The following NAALADL2 variants were observed in gnomAD, a reference collection of about 807,000 sequenced individuals.
NAALADL2 encodes N-acetylated alpha-linked acidic dipeptidase like 2.
NAALADL2 carries 76 observed loss-of-function variants against 87.2 expected under a neutral mutation model. That is an observed-to-expected ratio of 0.87 (90% CI 0.72 to 1.05). The LOEUF is 1.05. NAALADL2 is among the 50% of genes least tolerant of loss of function. The pLI is 0.00. For synonymous variants in NAALADL2, 354 were observed against 331.0 expected (o/e 1.07, Z -0.75); for missense variants, 1,089 against 945.8 (o/e 1.15, Z -1.99).
chr3:174,695,818 T>G (rs1162588022), intron 2 of NAALADL2, among the ~76,000 whole-genome samples: 2 of 151,964 alleles, frequency 1.3e-5, no homozygotes, highest in African/African-American at 4.8e-5. Flanking sequence ...TTTTTCAGGG[T>G]GAAAATATGC....
intron 9 of NAALADL2, among the ~76,000 whole-genome samples, chr3:175,521,307 G>A (rs1184948383): frequency 6.6e-6 from 1 of 151,774 alleles, no homozygotes; most frequent in Non-Finnish European, 1.5e-5. Context: ...TCTATCTTTG[G>A]AATGAATCTT....
chr3:175,261,574 T>G (rs909455843), intron 4 of NAALADL2, among the ~76,000 whole-genome samples: 1 of 151,894 alleles, frequency 6.6e-6, no homozygotes. Flanking sequence ...CTCTATTGCT[T>G]TTTTTTATAA....
At chr3:174,564,629 T>C (rs1471349286) in intron 2 of NAALADL2, among the ~76,000 whole-genome samples, 1 of 152,144 alleles carries the variant, frequency 6.6e-6, no homozygotes, top group Non-Finnish European at 1.5e-5. Context: ...GATTTATTAA[T>C]TTTTCTATTT....
chr3:175,189,636 T>C (rs1737850836), intron 2 of NAALADL2, among the ~76,000 whole-genome samples: 1 of 152,182 alleles, frequency 6.6e-6, no homozygotes, highest in South Asian at 2.1e-4. Flanking sequence ...AAAGTGTGCT[T>C]ACTATCCGAG....
chr3:174,854,706 A>G (rs1464385670), upstream of NAALADL2, among the ~76,000 whole-genome samples: 1 of 152,162 alleles, frequency 6.6e-6, no homozygotes, highest in Non-Finnish European at 1.5e-5. Flanking sequence ...TTAAAGAATA[A>G]AAATGACAAA....
rs927862324 is a variant in NAALADL2, at chr3:175,681,724, T to C, written c.1896+54338T>C. The stretch of plus-strand genomic sequence containing the variant: ...TGAAGAGTAATACCAATACAGGCAA[T>C]GGCAATGAAGAGTTTATTTCTTGTA... On this transcript the variant is annotated intron_variant, in intron 11 of 13. Transcript: ENST00000454872. 2.0e-5 allele frequency among the ~76,000 whole-genome samples: 3 copies of C among 152,142 alleles called. No individual in the cohort carries two copies. In the East Asian group the frequency reaches 5.8e-4, roughly 29 times the overall value.
At chr3:174,900,376 A>G (rs1019394157) in intron 1 of NAALADL2, among the ~76,000 whole-genome samples, 3 of 152,084 alleles carry the variant, frequency 2.0e-5, no homozygotes, top group African/African-American at 7.2e-5. Flanking sequence ...TAAAAATAAA[A>G]CAGCATGTTT....
rs12490358 is a variant in NAALADL2, at chr3:175,537,824, T to G, written c.1654-38217T>G. Among the ~76,000 whole-genome samples the G allele has an allele frequency of 9.4e-3, 1,433 of 152,342 alleles. 47 individuals carry two copies. Among genetic ancestry groups the G allele is most frequent in the Admixed American group, 0.056 (859 of 15,306 alleles). On this transcript the variant is annotated intron_variant, in intron 9 of 13. Coordinates refer to ENST00000454872, the MANE Select transcript of NAALADL2 (RefSeq NM_207015.3). ...TAAATTTGAAGAAATATGCCTAGCA[T>G]GTACAGAATTGGGAAGAAAATGCTA...
At chr3:174,998,195 C>T (rs1395786193) in intron 1 of NAALADL2, among the ~76,000 whole-genome samples, 1 of 152,262 alleles carries the variant, frequency 6.6e-6, no homozygotes, top group South Asian at 2.1e-4. Flanking sequence ...TGTATGAATT[C>T]ATTTGATCCT....
intron 2 of NAALADL2, among the ~76,000 whole-genome samples, chr3:174,687,168 G>T (rs1182060202): frequency 3.9e-5 from 6 of 152,006 alleles, no homozygotes; most frequent in Admixed American, 6.6e-5. Context: ...TCACAAACTT[G>T]GTTAGTCTTC....
chr3:174,583,075 C>T (rs1313041531), intron 2 of NAALADL2, among the ~76,000 whole-genome samples: 1 of 152,128 alleles, frequency 6.6e-6, no homozygotes, highest in East Asian at 1.9e-4. Context: ...TTTATTGCCA[C>T]CTGTCAATGA....
intron 1 of NAALADL2, among the ~76,000 whole-genome samples, chr3:175,009,885 ATATATT>A (rs1310916623): frequency 6.6e-6 from 1 of 151,974 alleles, no homozygotes; most frequent in East Asian, 1.9e-4. Flanking sequence ...TATCAAAATA[ATATATT>A]TATATAATAT....
chr3:174,477,340 G>T (rs534734121), intron 1 of NAALADL2, among the ~76,000 whole-genome samples: 8 of 152,164 alleles, frequency 5.3e-5, no homozygotes, highest in Non-Finnish European at 7.4e-5. Flanking sequence ...TTAATAGTAT[G>T]AAAGCATAAA....
At chr3:175,670,494 T>A (rs12492716) in intron 11 of NAALADL2, among the ~76,000 whole-genome samples, 181 of 12,876 alleles carry the variant, frequency 0.014, 1 homozygote, top group Admixed American at 0.053. Flanking sequence ...TAAATGTAAA[T>A]TTAATATATT....
chr3:175,187,081 A>G (rs1273964953), intron 2 of NAALADL2, among the ~76,000 whole-genome samples: 3 of 152,134 alleles, frequency 2.0e-5, no homozygotes, highest in African/African-American at 4.8e-5. Flanking sequence ...AGACACTGCA[A>G]TTGTCAAGGC....
At chr3:174,741,810 A>C (rs1733794829) in intron 3 of NAALADL2, among the ~76,000 whole-genome samples, 1 of 151,776 alleles carries the variant, frequency 6.6e-6, no homozygotes, top group Non-Finnish European at 1.5e-5. Flanking sequence ...ACAGCAATTC[A>C]TTTAGTGCTT....
intron 1 of NAALADL2, among the ~76,000 whole-genome samples, chr3:174,533,945 ATTG>A (rs1721479160): frequency 6.6e-6 from 1 of 152,200 alleles, no homozygotes; most frequent in African/African-American, 2.4e-5. Flanking sequence ...AAGTCATGCA[ATTG>A]TTGTGGTTGG....
At chr3:174,833,158 T>G (rs892132988) in intron 3 of NAALADL2, among the ~76,000 whole-genome samples, 1 of 152,194 alleles carries the variant, frequency 6.6e-6, no homozygotes, top group Non-Finnish European at 1.5e-5. Flanking sequence ...TTCTACTTTT[T>G]TCTGTATGTA....
chr3:175,658,591 G>A (rs1259593917), intron 11 of NAALADL2, among the ~76,000 whole-genome samples: 1 of 151,926 alleles, frequency 6.6e-6, no homozygotes, highest in Non-Finnish European at 1.5e-5. Context: ...TCCAAAACAA[G>A]GAACAACAAA....
Sources: allele counts gnomAD v4.1 joint callset (sites outside exome capture counted in the v4.1 genomes callset), GRCh38; gene constraint gnomAD v4.1.1; transcripts MANE v1.5; gene names NCBI Gene and HGNC (gene_info 2026-07-23, HGNC 2026-07-21).